The following NEMF variants were observed in gnomAD, a reference collection of about 807,000 sequenced individuals.
NEMF encodes the protein ribosome quality control complex subunit NEMF.
Under a neutral mutation model 162.2 loss-of-function variants are expected in NEMF, and 89 were observed. The observed-to-expected ratio is 0.55, with a 90% CI of 0.46 to 0.65. The LOEUF (loss-of-function observed/expected upper bound fraction) is 0.65. Ranked by LOEUF, NEMF falls within the 30% of genes least tolerant of loss-of-function variation. The pLI is 0.00. For missense variants in NEMF, 1,133 were observed against 1,261.9 expected (o/e 0.90, Z 1.55); for synonymous variants, 421 against 404.5 (o/e 1.04, Z -0.49).
intron 4 of NEMF, chr14:49,844,770 T>A: frequency 2.8e-6 from 1 of 354,966 alleles, no homozygotes; most frequent in Non-Finnish European, 5.8e-6. Flanking sequence ...CACACATATA[T>A]TTTTTTTTTC....
rs1892667987 is a variant in NEMF, at chr14:49,832,102, C to G, written c.831G>C (p.Leu277Phe). The G allele has an allele frequency of 6.2e-7, 1 of 1,605,656 alleles. No homozygotes were observed. The highest frequency in any genetic ancestry group is 8.5e-7 in the Non-Finnish European group (1 of 1,177,264). The stretch of plus-strand genomic sequence containing the variant: ...ATGGACATTGTGAATGTTGAGAAAA[C>G]AAGAAAGGATGAAATTCCTCATACC... ...ILTYEEFHPFLFSQHSQCPYI... is the reference protein window; with the variant it reads ...ILTYEEFHPFFFSQHSQCPYI... Residue 277 changes from leucine (L) to phenylalanine (F), a missense_variant, in exon 10 of 33, where the codon TTG (leucine) becomes TTC (phenylalanine). Coordinates refer to ENST00000298310, the MANE Select transcript of NEMF (RefSeq NM_004713.6).
rs1249549742 is a variant in NEMF, at chr14:49,789,527, T to C, written c.2666A>G (p.Glu889Gly). The change falls in exon 27 of 33, where the codon GAA (glutamate) becomes GGA (glycine). Residue 889 changes from glutamate (E) to glycine (G), a missense_variant. This residue lies in a region of NEMF where 532 missense variants were observed against 578.6 expected (regional missense o/e 0.92). Transcript: ENST00000298310. Reference protein sequence around the residue: ...MKEKYKDQDEEDRELIMKLLG... With the variant: ...MKEKYKDQDEGDRELIMKLLG... Reference sequence around the variant, plus strand: ...CAACTTCATGATAAGTTCACGGTCTTCTTCATCCTGGTCTTTGTATTTTTC... The same window carrying C: ...CAACTTCATGATAAGTTCACGGTCTCCTTCATCCTGGTCTTTGTATTTTTC... 1 of 1,612,590 alleles carries C rather than the reference T, an allele frequency of 6.2e-7. No individual in the cohort carries two copies. The highest frequency in any genetic ancestry group is 8.5e-7 in the Non-Finnish European group (1 of 1,179,704).
At chr14:49,787,032 A>T (rs111386431) in intron 28 of NEMF, 228 of 305,024 alleles carry the variant, frequency 7.5e-4, no homozygotes, top group African/African-American at 4.5e-3. Flanking sequence ...CATATAAAGT[A>T]TATGTTAAAG....
chr14:49,794,619 TAAAAAAA>T (rs397852715), intron 26 of NEMF, among the ~76,000 whole-genome samples: 2,215 of 90,364 alleles, frequency 0.025, 37 homozygotes, highest in Non-Finnish European at 0.035. Context: ...ACCCTGTCTC[TAAAAAAA>T]AAAAAAAAAA....
In NEMF at chr14:49,835,125, G is replaced by A. The variant is rs531916333; in HGVS notation, c.575-676C>T. Reference sequence around the variant, plus strand: ...TGAGGCAGGAGAATCACTTGAACCCGGGAGGCGGAGGCTGTGGCGAGCCAA... The same window carrying A: ...TGAGGCAGGAGAATCACTTGAACCCAGGAGGCGGAGGCTGTGGCGAGCCAA... On this transcript the variant is annotated intron_variant, in intron 6 of 32. Transcript: ENST00000298310. Among the ~76,000 whole-genome samples the A allele has an allele frequency of 6.6e-5, 10 of 152,136 alleles. No homozygotes were observed. In the East Asian group the frequency reaches 7.8e-4, roughly 12 times the overall value.
At chr14:49,811,742 A>G (rs1037857547) in intron 18 of NEMF, among the ~76,000 whole-genome samples, 2 of 152,196 alleles carry the variant, frequency 1.3e-5, no homozygotes, top group African/African-American at 4.8e-5. Context: ...ATTATATTAC[A>G]TTAATTTCCA....
intron 19 of NEMF, 92 bp downstream of exon 19, chr14:49,805,929 A>T (rs1891166749): frequency 1.5e-6 from 1 of 680,466 alleles, no homozygotes; most frequent in Admixed American, 2.9e-5. Context: ...AGCTCTATTG[A>T]GCCTTGTCTG....
At chr14:49,799,162 T>G (rs906929917) in intron 25 of NEMF, among the ~76,000 whole-genome samples, 3 of 119,932 alleles carry the variant, frequency 2.5e-5, no homozygotes, top group African/African-American at 3.2e-5. Flanking sequence ...GAGCCATGAC[T>G]GCGCCATAGC....
At position 49,837,998 on chromosome 14, in the gene NEMF, CTCTT is replaced by C. The variant is rs145586902; in HGVS notation, c.574+137_574+140del. ...GCTCAAACTTCATGTGGTTTAACTT[CTCTT>C]TCTTTGACAATAAACTCCTACTTAC... On this transcript the variant is annotated intron_variant, in intron 6 of 32. Transcript: ENST00000298310. 2.0e-3 allele frequency: 1,079 copies of C among 552,940 alleles called. 5 individuals carry two copies. Among genetic ancestry groups the C allele is most frequent in the Middle Eastern group, 3.4e-3 (10 of 2,912 alleles). The allele number at this position is 552,940 out of a possible 1,614,324, so 34.3% of individuals were successfully genotyped here. A position where few individuals can be genotyped will look rare whatever the true frequency, so the allele number is the denominator to read the frequency against.
At chr14:49,834,047 C>T (rs1237141709) in intron 7 of NEMF, 1 of 461,398 alleles carries the variant, frequency 2.2e-6, no homozygotes. Context: ...AAAACATTCA[C>T]TAAAATCTCA....
chr14:49,822,242 C>A (rs1054718006), intron 16 of NEMF, among the ~76,000 whole-genome samples: 82 of 151,076 alleles, frequency 5.4e-4, no homozygotes, highest in African/African-American at 2.0e-3. Context: ...TGTCCTATGA[C>A]CCTGCCAAAT....
At chr14:49,826,838 T>C (rs979357468) in intron 15 of NEMF, among the ~76,000 whole-genome samples, 1 of 151,938 alleles carries the variant, frequency 6.6e-6, no homozygotes, top group Admixed American at 6.6e-5. Context: ...TAAGGCAAAA[T>C]AAAGAGAGAT....
intron 3 of NEMF, 21 bp from the exon 4 acceptor site, chr14:49,846,286 G>A (rs1346156410): frequency 6.2e-7 from 1 of 1,604,706 alleles, no homozygotes; most frequent in African/African-American, 1.3e-5. Flanking sequence ...AAAGAAAAAG[G>A]CATTCATTTA....
At chr14:49,826,480 C>T (rs976209634) in intron 15 of NEMF, among the ~76,000 whole-genome samples, 1 of 147,146 alleles carries the variant, frequency 6.8e-6, no homozygotes, top group African/African-American at 2.5e-5. Context: ...GACATTTAAG[C>T]TGAATCCTCA....
chr14:49,783,419 A>G lies in NEMF; in HGVS notation c.*1217T>C, dbSNP rs1890009040. The stretch of plus-strand genomic sequence containing the variant: ...CACATTATGACGAAGCTGGAAAAAC[A>G]AAGTGTGGAGGGACCAACAACTGTT... On this transcript the variant is annotated 3_prime_UTR_variant, in exon 33 of 33. Coordinates refer to ENST00000298310, the MANE Select transcript of NEMF (RefSeq NM_004713.6). 6.6e-6 allele frequency: 1 copy of G among 152,470 alleles called. No individual in the cohort carries two copies. Among genetic ancestry groups the G allele is most frequent in the Non-Finnish European group, 1.5e-5 (1 of 68,248 alleles). 9.4% of individuals were successfully genotyped at this position (152,470 alleles called of 1,614,324 possible).
At chr14:49,812,617 A>T (rs552131863) in intron 18 of NEMF, among the ~76,000 whole-genome samples, 1 of 152,172 alleles carries the variant, frequency 6.6e-6, no homozygotes, top group East Asian at 1.9e-4. Flanking sequence ...GTTCATCTCA[A>T]AGTGTTTTGT....
intron 15 of NEMF, among the ~76,000 whole-genome samples, chr14:49,827,908 C>G (rs1468551922): frequency 6.6e-6 from 1 of 151,910 alleles, no homozygotes. Context: ...GGCTACTTGT[C>G]ATAGTCCATG....
At position 49,814,872 on chromosome 14, in the gene NEMF, GAAAA is replaced by G; in HGVS notation, c.1578-19_1578-16del. The G allele has an allele frequency of 6.9e-7, 1 of 1,454,362 alleles. No individual in the cohort carries two copies. Among genetic ancestry groups the G allele is most frequent in the Non-Finnish European group, 9.4e-7 (1 of 1,066,616 alleles). 90.1% of individuals were successfully genotyped at this position (1,454,362 alleles called of 1,614,324 possible). On this transcript the variant is annotated splice_polypyrimidine_tract_variant and intron_variant, in intron 16 of 32. Coordinates refer to ENST00000298310, the MANE Select transcript of NEMF (RefSeq NM_004713.6). ...ATTTCTCAAACCTATCAAAATGAAA[GAAAA>G]AAAGTTAACTTTTCTTTATAGCTGC...
chr14:49,846,574 T>A (rs950955883), intron 3 of NEMF, among the ~76,000 whole-genome samples: 1 of 152,194 alleles, frequency 6.6e-6, no homozygotes, highest in African/African-American at 2.4e-5. Context: ...CAGGTGATCC[T>A]CCTGCATCAG....
Sources: allele counts gnomAD v4.1 joint callset (sites outside exome capture counted in the v4.1 genomes callset), GRCh38; gene constraint gnomAD v4.1.1; regional missense constraint gnomAD v4.1.1; transcripts MANE v1.5; gene names NCBI Gene and HGNC (gene_info 2026-07-23, HGNC 2026-07-21).